CDC42BPA: variants seen among roughly 807,000 people sequenced by gnomAD.
The protein encoded by CDC42BPA is CDC42 binding protein kinase alpha, also known as serine/threonine-protein kinase MRCK alpha.
In CDC42BPA, 80 loss-of-function variants were observed where a neutral mutation model predicts 223.5. That is an observed-to-expected ratio of 0.36 (90% CI 0.30 to 0.43). The LOEUF (loss-of-function observed/expected upper bound fraction) is 0.43. CDC42BPA is among the 20% of genes least tolerant of loss of function. CDC42BPA has a pLI of 1.00. For missense variants in CDC42BPA, 1,743 were observed against 2,099.9 expected (o/e 0.83, Z 3.32); for synonymous variants, 694 against 718.6 (o/e 0.97, Z 0.55).
At chr1:227,171,673 A>AT (rs373451430) in intron 5 of CDC42BPA, among the ~76,000 whole-genome samples, 3,197 of 150,328 alleles carry the variant, frequency 0.021, 123 homozygotes, top group African/African-American at 0.073. Context: ...TCTATGGGTG[A>AT]TTTTTTTTTT....
chr1:227,285,868 C>T (rs1405237664), intron 1 of CDC42BPA, among the ~76,000 whole-genome samples: 1 of 151,896 alleles, frequency 6.6e-6, no homozygotes, highest in Non-Finnish European at 1.5e-5. Context: ...AAAAAAATCA[C>T]AATCATGCTT....
At chr1:227,227,224 A>C (rs1409102800) in intron 2 of CDC42BPA, among the ~76,000 whole-genome samples, 1 of 152,174 alleles carries the variant, frequency 6.6e-6, no homozygotes, top group African/African-American at 2.4e-5. Flanking sequence ...AAAGAAAAAA[A>C]CATAGTAGAA....
At chr1:227,186,161 T>G (rs1368455622) in intron 5 of CDC42BPA, among the ~76,000 whole-genome samples, 2 of 152,158 alleles carry the variant, frequency 1.3e-5, no homozygotes, top group Non-Finnish European at 2.9e-5. Flanking sequence ...GCCTGAAAGA[T>G]TAAAAACTCC....
chr1:227,004,627 C>T (rs1307222501), intron 35 of CDC42BPA: 1 of 270,668 alleles, frequency 3.7e-6, no homozygotes, highest in East Asian at 7.7e-5. Context: ...TCAAACATGA[C>T]TCCACCTCTA....
At chr1:227,093,617 A>T (rs963204827) in intron 15 of CDC42BPA, among the ~76,000 whole-genome samples, 1 of 152,166 alleles carries the variant, frequency 6.6e-6, no homozygotes, top group Non-Finnish European at 1.5e-5. Context: ...ATGTACAGCC[A>T]ATCATTAATC....
At chr1:227,278,930 G>C (rs941342610) in intron 1 of CDC42BPA, among the ~76,000 whole-genome samples, 1 of 151,740 alleles carries the variant, frequency 6.6e-6, no homozygotes, top group South Asian at 2.1e-4. Flanking sequence ...TAGAGAAGCA[G>C]AAGTTACATT....
At chr1:227,299,885 G>A (rs1453150371) in intron 1 of CDC42BPA, among the ~76,000 whole-genome samples, 1 of 152,142 alleles carries the variant, frequency 6.6e-6, no homozygotes, top group Non-Finnish European at 1.5e-5. Flanking sequence ...GCATCTGAAT[G>A]TAAAGAGTCA....
chr1:227,111,640 T>C (rs1395185927), intron 14 of CDC42BPA, among the ~76,000 whole-genome samples: 1 of 151,988 alleles, frequency 6.6e-6, no homozygotes, highest in African/African-American at 2.4e-5. Flanking sequence ...GTGCGCACCA[T>C]GCCTGGCTAA....
chr1:227,287,760 A>T lies in CDC42BPA; in HGVS notation c.178+29245T>A, dbSNP rs1010478450. Among the ~76,000 whole-genome samples, 9 of 152,224 alleles carry T rather than the reference A, an allele frequency of 5.9e-5. 1 individual carries two copies. The highest frequency in any genetic ancestry group is 2.2e-4 in the African/African-American group (9 of 41,460). ...GGAGTACACAGTGATGTTTCAATACATAAGACGTATGGTGATCAGATCAGG... is the reference window on the plus strand; with the variant it reads ...GGAGTACACAGTGATGTTTCAATACTTAAGACGTATGGTGATCAGATCAGG... On this transcript the variant is annotated intron_variant, in intron 1 of 36. Coordinates refer to ENST00000366766, the MANE Select transcript of CDC42BPA (RefSeq NM_001394014.1).
chr1:227,232,176 G>A (rs548892289), intron 2 of CDC42BPA, among the ~76,000 whole-genome samples: 1 of 152,270 alleles, frequency 6.6e-6, no homozygotes, highest in African/African-American at 2.4e-5. Context: ...GTAAGGAAGG[G>A]ATCCAGTTTC....
intron 2 of CDC42BPA, among the ~76,000 whole-genome samples, 169 bp from the exon 3 acceptor site, chr1:227,213,388 G>A (rs1313160803): frequency 6.6e-6 from 1 of 152,116 alleles, no homozygotes. Context: ...GAAAAAGTTA[G>A]TGAACATGTG....
intron 29 of CDC42BPA, 44 bp from the exon 30 acceptor site, chr1:227,029,294 T>G: frequency 7.9e-7 from 1 of 1,268,160 alleles, no homozygotes; most frequent in Non-Finnish European, 1.1e-6. Flanking sequence ...GTTTTATTGA[T>G]TAATCATATC....
At chr1:227,160,006 G>A (rs777268519) in intron 6 of CDC42BPA, among the ~76,000 whole-genome samples, 61 of 152,188 alleles carry the variant, frequency 4.0e-4, no homozygotes, top group Middle Eastern at 3.4e-3. Context: ...ACCATGCCCA[G>A]CTATTAAGTA....
intron 1 of CDC42BPA, among the ~76,000 whole-genome samples, chr1:227,278,250 C>A (rs1687448174): frequency 6.6e-6 from 1 of 152,178 alleles, no homozygotes; most frequent in Non-Finnish European, 1.5e-5. Context: ...TAAATTATAA[C>A]TCAAATGTTT....
At chr1:227,302,249 C>T (rs1466355765) in intron 1 of CDC42BPA, among the ~76,000 whole-genome samples, 1 of 152,134 alleles carries the variant, frequency 6.6e-6, no homozygotes, top group Non-Finnish European at 1.5e-5. Flanking sequence ...TCCAGTTTGC[C>T]TAAGACTGTG....
intron 9 of CDC42BPA, among the ~76,000 whole-genome samples, chr1:227,142,093 G>A (rs1391574127): frequency 6.6e-6 from 1 of 152,186 alleles, no homozygotes; most frequent in Non-Finnish European, 1.5e-5. Flanking sequence ...ATTTAAAGTA[G>A]ACCAGTAAGA....
chr1:227,280,395 T>C (rs1687817137), intron 1 of CDC42BPA, among the ~76,000 whole-genome samples: 1 of 152,204 alleles, frequency 6.6e-6, no homozygotes, highest in Admixed American at 6.5e-5. Flanking sequence ...GACAGTACCA[T>C]GGGAACATAT....
intron 16 of CDC42BPA, among the ~76,000 whole-genome samples, chr1:227,091,402 G>A (rs564402227): frequency 5.1e-4 from 77 of 151,820 alleles, no homozygotes; most frequent in African/African-American, 1.8e-3. Context: ...ACTGAGATCC[G>A]GTTGTTCAAA....
chr1:227,118,754 AAACCATTAATATTACTATAAT>A (rs1186137543), intron 12 of CDC42BPA, among the ~76,000 whole-genome samples: 1 of 152,140 alleles, frequency 6.6e-6, no homozygotes, highest in African/African-American at 2.4e-5. Flanking sequence ...TAAAAATGGT[AAACCATTAATATTACTATAAT>A]ATTATTAAAG....
Sources: gnomAD v4.1 joint callset for allele counts (sites outside exome capture counted in the v4.1 genomes callset) on GRCh38, gnomAD v4.1.1 for gene constraint, MANE v1.5 for transcripts, NCBI Gene and HGNC (gene_info 2026-07-23, HGNC 2026-07-21) for gene names.